The following PINX1 variants were observed in gnomAD, a reference collection of about 807,000 sequenced individuals.
PINX1 encodes PIN2 (TERF1) interacting telomerase inhibitor 1.
A neutral mutation model predicts 25.4 loss-of-function variants in PINX1; 34 were observed. The observed-to-expected ratio is 1.34, with a 90% CI of 1.02 to 1.78. PINX1 has a LOEUF of 1.78. Among genes scored for constraint, PINX1 ranks in the 40% most tolerant of loss-of-function variants. The probability of loss-of-function intolerance (pLI) is 0.00; values close to 1 mark genes in which losing one functional copy is unlikely to be tolerated. For missense variants in PINX1, 592 were observed against 404.9 expected, an observed-to-expected ratio of 1.46 and a Z score of -3.97; for synonymous variants, 197 against 147.7, an observed-to-expected ratio of 1.33 and a Z score of -2.42.
chr8:10,787,933 T>C (rs1801802848), intron 6 of PINX1: 5 of 385,326 alleles, frequency 1.3e-5, no homozygotes, highest in South Asian at 5.9e-5. Flanking sequence ...CAAATACATA[T>C]TCAAAGTAAA....
At chr8:10,828,280 T>C (rs769157114) in intron 4 of PINX1, among the ~76,000 whole-genome samples, 4 of 152,330 alleles carry the variant, frequency 2.6e-5, no homozygotes, top group African/African-American at 4.8e-5. Context: ...ATATGGCACA[T>C]AACATTTTCA....
At chr8:10,795,994 C>T (rs1206197556) in intron 6 of PINX1, among the ~76,000 whole-genome samples, 2 of 152,062 alleles carry the variant, frequency 1.3e-5, no homozygotes, top group African/African-American at 2.4e-5. Flanking sequence ...AAACTATTAT[C>T]GTCACAGAAG....
At chr8:10,800,638 G>A (rs1802237164) in intron 6 of PINX1, among the ~76,000 whole-genome samples, 1 of 151,954 alleles carries the variant, frequency 6.6e-6, no homozygotes, top group South Asian at 2.1e-4. Flanking sequence ...CCCAGTTAAT[G>A]TTTGCATTTT....
intron 5 of PINX1, among the ~76,000 whole-genome samples, chr8:10,825,652 G>T (rs1798015547): frequency 6.6e-6 from 1 of 152,190 alleles, no homozygotes; most frequent in African/African-American, 2.4e-5. Flanking sequence ...ACTATGGAAT[G>T]CCTACGCTGT....
intron 4 of PINX1, among the ~76,000 whole-genome samples, chr8:10,826,633 A>AC (rs545593357): frequency 1.0e-3 from 152 of 152,280 alleles, no homozygotes; most frequent in Admixed American, 1.6e-3. Flanking sequence ...CAGCTGAGCA[A>AC]CCCCTGGGCC....
chr8:10,826,990 G>A lies in PINX1; in HGVS notation c.302-746C>T, dbSNP rs1049402107. The stretch of plus-strand genomic sequence containing the variant: ...CCATCCGCCCATGTACAAATGAATG[G>A]AGACCAAAAAAAGATGATGAAAACT... On this transcript the variant is annotated intron_variant, in intron 4 of 6. Transcript: ENST00000314787. Among the ~76,000 whole-genome samples the A allele has an allele frequency of 2.2e-4, 34 of 152,104 alleles. 1 individual carries two copies. The highest frequency in any genetic ancestry group is 1.3e-4 in the Admixed American group (2 of 15,274).
chr8:10,766,070 G>C (rs571740459), intron 6 of PINX1, among the ~76,000 whole-genome samples, 154 bp from the exon 7 acceptor site: 1 of 152,134 alleles, frequency 6.6e-6, no homozygotes, highest in African/African-American at 2.4e-5. Context: ...ACAAGGCTGA[G>C]TGACACGCTC....
chr8:10,799,985 T>C lies in PINX1; in HGVS notation c.471+20208A>G, dbSNP rs796198718. The stretch of plus-strand genomic sequence containing the variant: ...GGTTAAATTCCTGCCAAAGGTCATA[T>C]GACTCACAAGGGCAGAGCCGAGACT... On this transcript the variant is annotated intron_variant, in intron 6 of 6. Transcript: ENST00000314787. 1.6e-4 allele frequency among the ~76,000 whole-genome samples: 24 copies of C among 152,338 alleles called. 2 individuals are homozygous for C. Among genetic ancestry groups the C allele is most frequent in the African/African-American group, 4.6e-4 (19 of 41,572 alleles).
At chr8:10,791,207 C>G (rs1210005648) in intron 6 of PINX1, among the ~76,000 whole-genome samples, 1 of 152,200 alleles carries the variant, frequency 6.6e-6, no homozygotes, top group East Asian at 1.9e-4. Flanking sequence ...CCATCATGCC[C>G]AGCCAAAATC....
intron 6 of PINX1, among the ~76,000 whole-genome samples, 169 bp downstream of exon 6, chr8:10,820,024 T>G (rs564293955): frequency 2.0e-5 from 3 of 152,188 alleles, no homozygotes; most frequent in Non-Finnish European, 4.4e-5. Flanking sequence ...AAACATTATC[T>G]ACCCACTAAT....
chr8:10,822,749 C>A (rs1380903748), intron 5 of PINX1, among the ~76,000 whole-genome samples: 1 of 152,020 alleles, frequency 6.6e-6, no homozygotes, highest in African/African-American at 2.4e-5. Flanking sequence ...TAGCAATAAC[C>A]CAACAAGCTG....
chr8:10,792,002 C>T (rs868420923), intron 6 of PINX1, among the ~76,000 whole-genome samples: 3 of 152,184 alleles, frequency 2.0e-5, no homozygotes, highest in Non-Finnish European at 4.4e-5. Flanking sequence ...CTTAACTCTC[C>T]GTGCTGGCCA....
chr8:10,800,565 G>A (rs892389074), intron 6 of PINX1, among the ~76,000 whole-genome samples: 1 of 151,806 alleles, frequency 6.6e-6, no homozygotes, highest in Non-Finnish European at 1.5e-5. Context: ...CGCCTTCTGG[G>A]TTCAAGCAAT....
At chr8:10,822,317 A>G (rs1797903107) in intron 5 of PINX1, among the ~76,000 whole-genome samples, 1 of 152,264 alleles carries the variant, frequency 6.6e-6, no homozygotes, top group South Asian at 2.1e-4. Flanking sequence ...AAGCATTTAA[A>G]AAGCTTATTT....
intron 6 of PINX1, among the ~76,000 whole-genome samples, chr8:10,812,278 C>A (rs1797546787): frequency 6.6e-6 from 1 of 152,184 alleles, no homozygotes; most frequent in Admixed American, 6.5e-5. Flanking sequence ...CAAGAAGAAT[C>A]CAAGTAATGT....
chr8:10,790,494 G>A (rs904201195), intron 6 of PINX1, among the ~76,000 whole-genome samples: 1 of 152,152 alleles, frequency 6.6e-6, no homozygotes, highest in Non-Finnish European at 1.5e-5. Flanking sequence ...CGTCTGCCCT[G>A]CCGTGCGCTC....
chr8:10,812,672 G>A (rs918844844), intron 6 of PINX1, among the ~76,000 whole-genome samples: 14 of 152,204 alleles, frequency 9.2e-5, no homozygotes, highest in African/African-American at 3.4e-4. Flanking sequence ...TGTCCCTGAA[G>A]GCAATTCCCT....
intron 6 of PINX1, among the ~76,000 whole-genome samples, chr8:10,775,820 G>A (rs1298638007): frequency 6.6e-6 from 1 of 152,174 alleles, no homozygotes; most frequent in Admixed American, 6.5e-5. Flanking sequence ...GGGAAATAGG[G>A]CTCCTCAGTA....
intron 6 of PINX1, among the ~76,000 whole-genome samples, chr8:10,791,380 G>A (rs1287901441): frequency 1.3e-5 from 2 of 152,152 alleles, no homozygotes; most frequent in East Asian, 1.9e-4. Flanking sequence ...CAAATGCTCA[G>A]TACACAGCAT....
Sources: gnomAD v4.1 joint callset for allele counts (sites outside exome capture counted in the v4.1 genomes callset) on GRCh38, gnomAD v4.1.1 for gene constraint, MANE v1.5 for transcripts, NCBI Gene and HGNC (gene_info 2026-07-23, HGNC 2026-07-21) for gene names.